NSMAF: variants seen among roughly 807,000 people sequenced by gnomAD.
The protein encoded by NSMAF is protein FAN.
A neutral mutation model predicts 134.9 loss-of-function variants in NSMAF; 90 were observed. The ratio of observed to expected loss-of-function variants is 0.67; its 90% CI spans 0.56 to 0.79. The LOEUF (loss-of-function observed/expected upper bound fraction) is 0.79. Among genes scored for constraint, NSMAF ranks in the 30% least tolerant of loss-of-function variants. The pLI, the probability that NSMAF is intolerant of heterozygous loss-of-function variation, is 0.00. For synonymous variants in NSMAF, 358 were observed against 389.6 expected (o/e 0.92, Z 0.96); for missense variants, 1,010 against 1,119.0 (o/e 0.90, Z 1.39).
chr8:58,597,149 T>G (rs1806155244), intron 21 of NSMAF, among the ~76,000 whole-genome samples: 1 of 152,114 alleles, frequency 6.6e-6, no homozygotes. Context: ...TGGCCAACTT[T>G]CACTCATATT....
chr8:58,649,363 A>G (rs550680696), intron 1 of NSMAF, among the ~76,000 whole-genome samples: 1 of 152,230 alleles, frequency 6.6e-6, no homozygotes, highest in Non-Finnish European at 1.5e-5. Context: ...ATAGGTGGAA[A>G]GAGATAGGTG....
At chr8:58,616,702 T>A (rs775923746) in intron 9 of NSMAF, among the ~76,000 whole-genome samples, 3 of 152,144 alleles carry the variant, frequency 2.0e-5, no homozygotes, top group Non-Finnish European at 4.4e-5. Context: ...GAGGCAATAA[T>A]GTTCATTTCC....
chr8:58,656,594 A>T (rs1807717008), intron 1 of NSMAF, among the ~76,000 whole-genome samples: 1 of 151,922 alleles, frequency 6.6e-6, no homozygotes, highest in African/African-American at 2.4e-5. Flanking sequence ...TGGGAGGCCA[A>T]GGCGGGTGGG....
chr8:58,607,540 CTTGGAG>C (rs1806435387), intron 11 of NSMAF, among the ~76,000 whole-genome samples: 3 of 152,254 alleles, frequency 2.0e-5, no homozygotes, highest in Non-Finnish European at 4.4e-5. Flanking sequence ...CCCTCTTGCT[CTTGGAG>C]CCAAAAATAC....
At chr8:58,590,757 C>A in intron 24 of NSMAF, 110 bp downstream of exon 24, 1 of 1,169,858 alleles carries the variant, frequency 8.5e-7, no homozygotes, top group Non-Finnish European at 1.2e-6. Context: ...AGATTTACTA[C>A]ACAGGAATAA....
intron 6 of NSMAF, 56 bp downstream of exon 6, chr8:58,631,440 T>C (rs571277751): frequency 9.3e-7 from 1 of 1,070,372 alleles, no homozygotes; most frequent in African/African-American, 1.7e-5. Context: ...TCACAAAATT[T>C]TATTGTTCAA....
In NSMAF at chr8:58,655,913, A is replaced by AAAATAAT. The variant is rs1280850469; in HGVS notation, c.59+3659_59+3660insATTATTT. Reference sequence around the variant, plus strand: ...GAGTGAGACTCCGTCTCAATAAAAAAAAACAATAAAAAATAAAAAATGTTT... The same window carrying AAAATAAT: ...GAGTGAGACTCCGTCTCAATAAAAAAAAATAATAAACAATAAAAAATAAAAAATGTTT... On this transcript the variant is annotated intron_variant, in intron 1 of 30. Coordinates refer to ENST00000038176, the MANE Select transcript of NSMAF (RefSeq NM_003580.4). Among the ~76,000 whole-genome samples the AAAATAAT allele has an allele frequency of 8.6e-3, 1,311 of 152,150 alleles. 21 individuals are homozygous for AAAATAAT. The highest frequency in any genetic ancestry group is 0.03 in the African/African-American group (1,234 of 41,482).
chr8:58,601,683 G>A, intron 14 of NSMAF, 148 bp from the exon 15 acceptor site: 1 of 1,248,800 alleles, frequency 8.0e-7, no homozygotes, highest in Non-Finnish European at 1.1e-6. Context: ...AAGATAAGAG[G>A]GAAAGAAAAT....
In NSMAF at chr8:58,589,722, C is replaced by A. The variant is rs111524143; in HGVS notation, c.2088-147G>T. On this transcript the variant is annotated intron_variant, in intron 25 of 30. Transcript: ENST00000038176. The stretch of plus-strand genomic sequence containing the variant: ...ATTGCTTGTTCTCAAATTACTAAAT[C>A]AAAATATTCAAAATTTGAATTTAAA... The A allele has an allele frequency of 3.9e-3, 3,041 of 778,946 alleles. 85 individuals are homozygous for A. In the African/African-American group the frequency reaches 0.05, roughly 13 times the overall value. 48.3% of individuals were successfully genotyped at this position (778,946 alleles called of 1,614,324 possible).
chr8:58,599,035 C>T (rs965657351), intron 19 of NSMAF, among the ~76,000 whole-genome samples, 197 bp downstream of exon 19: 2 of 152,000 alleles, frequency 1.3e-5, no homozygotes, highest in Non-Finnish European at 2.9e-5. Context: ...AAAAAGAAAA[C>T]CAAAAAAATA....
chr8:58,603,868 T>C (rs1806342645), intron 12 of NSMAF, among the ~76,000 whole-genome samples: 2 of 152,186 alleles, frequency 1.3e-5, no homozygotes, highest in South Asian at 4.1e-4. Context: ...ACATATTATT[T>C]ATGCATGTGA....
At chr8:58,595,999 C>CT (rs1746614397) in intron 21 of NSMAF, 1 of 204,404 alleles carries the variant, frequency 4.9e-6, no homozygotes, top group African/African-American at 2.3e-5. Context: ...TGACAGTTGC[C>CT]TAAGAATGCA....
intron 21 of NSMAF, among the ~76,000 whole-genome samples, chr8:58,596,701 G>T (rs1394994617): frequency 6.6e-6 from 1 of 152,154 alleles, no homozygotes; most frequent in African/African-American, 2.4e-5. Context: ...AGGCCGAGGA[G>T]GGTGGATCAC....
intron 30 of NSMAF, among the ~76,000 whole-genome samples, chr8:58,584,469 A>G (rs1003455790): frequency 1.3e-5 from 2 of 152,248 alleles, no homozygotes; most frequent in African/African-American, 4.8e-5. Flanking sequence ...CAATGCAAAT[A>G]AATACCTTGG....
At chr8:58,658,104 T>C (rs1470232068) in intron 1 of NSMAF, among the ~76,000 whole-genome samples, 1 of 152,184 alleles carries the variant, frequency 6.6e-6, no homozygotes, top group Non-Finnish European at 1.5e-5. Context: ...TACAACATGA[T>C]GCCAATTCAA....
At chr8:58,589,713 T>C in intron 25 of NSMAF, 138 bp from the exon 26 acceptor site, 1 of 835,132 alleles carries the variant, frequency 1.2e-6, no homozygotes, top group South Asian at 2.9e-5. Context: ...TGTTCTCAAA[T>C]TACTAAATCA....
chr8:58,659,515 C>T, intron 1 of NSMAF, 58 bp downstream of exon 1: 2 of 1,510,652 alleles, frequency 1.3e-6, no homozygotes, highest in Non-Finnish European at 8.9e-7. Context: ...CGGCCGGCGT[C>T]CCCACGACCG....
At chr8:58,629,720 T>G (rs1807014103) in intron 6 of NSMAF, among the ~76,000 whole-genome samples, 1 of 152,250 alleles carries the variant, frequency 6.6e-6, no homozygotes, top group South Asian at 2.1e-4. Context: ...TGGCTAGAGA[T>G]GCTGGAGGCC....
intron 23 of NSMAF, among the ~76,000 whole-genome samples, chr8:58,593,936 C>G (rs79745296): frequency 0.03 from 4,589 of 152,234 alleles, 127 homozygotes; most frequent in East Asian, 0.079. Context: ...AAGTGGACAG[C>G]GCACCTCTCA....
Sources: gnomAD v4.1 joint callset for allele counts (sites outside exome capture counted in the v4.1 genomes callset) on GRCh38, gnomAD v4.1.1 for gene constraint, MANE v1.5 for transcripts, NCBI Gene and HGNC (gene_info 2026-07-23, HGNC 2026-07-21) for gene names.